Variants in PRH1 observed in about 807,000 individuals in gnomAD.
PRH1 encodes the protein salivary acidic proline-rich phosphoprotein 1/2.
PRH1 carries 7 observed loss-of-function variants against 7.9 expected under a neutral mutation model. The observed-to-expected ratio is 0.89, with a 90% CI of 0.50 to 1.67. The LOEUF is 1.67. Ranked by LOEUF, PRH1 falls within the 40% of genes most tolerant of loss-of-function variation. The pLI, the probability that PRH1 is intolerant of heterozygous loss-of-function variation, is 0.00. For synonymous variants in PRH1, 45 were observed against 80.8 expected, an observed-to-expected ratio of 0.56 and a Z score of 2.38; for missense variants, 109 against 223.6, an observed-to-expected ratio of 0.49 and a Z score of 3.27.
At chr12:11,116,553 G>C (rs1945735999), downstream of PRH1, among the ~76,000 whole-genome samples, 1 of 151,988 alleles carries the variant, frequency 6.6e-6, no homozygotes, top group African/African-American at 2.4e-5. Flanking sequence ...GAGGAAGAGG[G>C]AATACTTCCA....
chr12:10,959,487 T>C (rs1226430963), intron 2 of PRH1, among the ~76,000 whole-genome samples: 1 of 152,124 alleles, frequency 6.6e-6, no homozygotes, highest in East Asian at 1.9e-4. Flanking sequence ...TTTAGACCCT[T>C]ATTTTATACT....
intron 1 of PRH1, among the ~76,000 whole-genome samples, chr12:11,102,949 C>T (rs543971789): frequency 6.6e-6 from 1 of 152,316 alleles, no homozygotes; most frequent in African/African-American, 2.4e-5. Flanking sequence ...AAATGCTCAT[C>T]ATCGCTGGCC....
At chr12:11,069,567 T>C (rs986979228) in intron 1 of PRH1, among the ~76,000 whole-genome samples, 1 of 152,202 alleles carries the variant, frequency 6.6e-6, no homozygotes, top group Non-Finnish European at 1.5e-5. Context: ...ACGTTCAATG[T>C]GGCTAATAGA....
At chr12:11,015,204 T>A (rs1941235899) in intron 1 of PRH1, among the ~76,000 whole-genome samples, 2 of 152,258 alleles carry the variant, frequency 1.3e-5, no homozygotes, top group Admixed American at 6.5e-5. Flanking sequence ...ACCACACATG[T>A]GAGCAGCCCA....
At position 11,024,789 on chromosome 12, in the gene PRH1, T is replaced by C. The variant is rs1257796251; in HGVS notation, c.-126+22231A>G. Among the ~76,000 whole-genome samples, 4 of 152,280 alleles carry C rather than the reference T, an allele frequency of 2.6e-5. No homozygotes were observed. The East Asian group carries it at 7.7e-4, about 29-fold the overall frequency. On this transcript the variant is annotated intron_variant, in intron 1 of 3. Coordinates refer to the PRH1 transcript ENST00000539853. The stretch of plus-strand genomic sequence containing the variant: ...TTGCTACAATTCCTCTGTGTATATA[T>C]ATCTGGGTGTAGAATTACAGGGTCC...
intron 1 of PRH1, among the ~76,000 whole-genome samples, chr12:10,991,591 T>C (rs1591778149): frequency 6.6e-6 from 1 of 152,304 alleles, no homozygotes; most frequent in East Asian, 1.9e-4. Context: ...ACTATATGTA[T>C]ATAAATAAAT....
intron 1 of PRH1, among the ~76,000 whole-genome samples, chr12:10,989,306 A>G (rs1283028569): frequency 6.6e-6 from 1 of 151,842 alleles, no homozygotes; most frequent in Non-Finnish European, 1.5e-5. Flanking sequence ...TCACTTCTCT[A>G]TATTATTCCA....
intron 1 of PRH1, among the ~76,000 whole-genome samples, chr12:11,028,198 A>G (rs930861191): frequency 6.6e-6 from 1 of 152,258 alleles, no homozygotes; most frequent in African/African-American, 2.4e-5. Context: ...GATGTAAGAC[A>G]GAACAGCAGA....
At chr12:11,133,120 T>TAC (rs10645657) in intron 1 of PRH1, 225,459 of 485,358 alleles carry the variant, frequency 0.46, 30,045 homozygotes, top group East Asian at 0.63. Context: ...CAGTTTTTCA[T>TAC]ACACACACAC....
chr12:10,905,359 T>G (rs1949788401), intron 2 of PRH1, among the ~76,000 whole-genome samples: 1 of 152,068 alleles, frequency 6.6e-6, no homozygotes. Flanking sequence ...GGAATCAACC[T>G]ACGTGCCCAT....
chr12:10,944,157 C>T (rs1355516615), intron 2 of PRH1, among the ~76,000 whole-genome samples: 2 of 152,150 alleles, frequency 1.3e-5, no homozygotes, highest in Non-Finnish European at 1.5e-5. Flanking sequence ...TGAATCTGTA[C>T]ATTCCTTTGG....
downstream of PRH1, among the ~76,000 whole-genome samples, chr12:11,119,538 C>T (rs2597941): frequency 0.46 from 69,147 of 151,846 alleles, 16,540 homozygotes; most frequent in Non-Finnish European, 0.53. Flanking sequence ...GTACTCAATA[C>T]AGACCTACTA....
intron 2 of PRH1, among the ~76,000 whole-genome samples, chr12:10,968,049 C>G (rs1266057542): frequency 6.6e-6 from 1 of 151,932 alleles, no homozygotes; most frequent in East Asian, 1.9e-4. Context: ...CCACTGCACT[C>G]CAGCCTGGGC....
At chr12:11,046,464 G>A (rs550003664) in intron 1 of PRH1, among the ~76,000 whole-genome samples, 90 of 152,140 alleles carry the variant, frequency 5.9e-4, no homozygotes, top group Admixed American at 1.0e-3. Context: ...CCTGCTGCTC[G>A]TGTTATGCCA....
intron 1 of PRH1, among the ~76,000 whole-genome samples, chr12:11,146,456 T>C (rs951795244): frequency 2.0e-5 from 3 of 152,194 alleles, no homozygotes; most frequent in African/African-American, 7.2e-5. Flanking sequence ...AAAATGAGTA[T>C]TTTTAATTTC....
At chr12:10,922,499 T>C (rs1223880452) in intron 2 of PRH1, among the ~76,000 whole-genome samples, 1 of 152,212 alleles carries the variant, frequency 6.6e-6, no homozygotes, top group Non-Finnish European at 1.5e-5. Flanking sequence ...GTAATACTTA[T>C]TCCATGGAAT....
chr12:11,070,520 C>T (rs1340698370), intron 1 of PRH1, among the ~76,000 whole-genome samples: 1 of 152,108 alleles, frequency 6.6e-6, no homozygotes, highest in Admixed American at 6.6e-5. Context: ...TGGTCTCTTC[C>T]AAGTGTCTTC....
In PRH1 at chr12:11,091,113, C is replaced by CATATATAT. The variant is rs1447599116; in HGVS notation, n.124-43926_124-43925insATATATAT. On this transcript the variant is annotated intron_variant and non_coding_transcript_variant, in intron 1 of 4. Transcript: ENST00000541977. ...ATACACAAATACACACACACACACACACATATATATATATATATATATATA... is the reference window on the plus strand; with the variant it reads ...ATACACAAATACACACACACACACACATATATATACATATATATATATATATATATATA... Among the ~76,000 whole-genome samples the CATATATAT allele has an allele frequency of 3.7e-3, 21 of 5,666 alleles. 1 individual carries two copies. Among genetic ancestry groups the CATATATAT allele is most frequent in the African/African-American group, 5.2e-3 (20 of 3,848 alleles). The allele number at this position is 5,666 out of a possible 152,430, so 3.7% of individuals were successfully genotyped here.
At chr12:11,037,226 C>A (rs551863543) in intron 1 of PRH1, among the ~76,000 whole-genome samples, 2 of 152,308 alleles carry the variant, frequency 1.3e-5, no homozygotes, top group East Asian at 3.8e-4. Flanking sequence ...TTAATAGCAT[C>A]ATTAGCAAGC....
Sources: allele counts gnomAD v4.1 joint callset (sites outside exome capture counted in the v4.1 genomes callset), GRCh38; gene constraint gnomAD v4.1.1; transcripts MANE v1.5; gene names NCBI Gene and HGNC (gene_info 2026-07-23, HGNC 2026-07-21).